PCDHGB3: variants seen among roughly 807,000 people sequenced by gnomAD.
PCDHGB3 encodes the protein protocadherin gamma subfamily B, 3, also known as protocadherin gamma-B3.
In PCDHGB3, 40 loss-of-function variants were observed where a neutral mutation model predicts 59.2. That is an observed-to-expected ratio of 0.68 (90% confidence interval 0.52 to 0.88). The LOEUF is 0.88. PCDHGB3 is among the 40% of genes least tolerant of loss of function. The pLI is 0.00. For synonymous variants in PCDHGB3, 581 were observed against 503.6 expected, an observed-to-expected ratio of 1.15 and a Z score of -2.06; for missense variants, 1,309 against 1,187.9, an observed-to-expected ratio of 1.10 and a Z score of -1.50.
At chr5:141,413,306 A>G in intron 1 of PCDHGB3, 1 of 1,613,958 alleles carries the variant, frequency 6.2e-7, no homozygotes, top group Non-Finnish European at 8.5e-7. Context: ...GAGGAATTAG[A>G]GAAAGGCTCT....
intron 1 of PCDHGB3, among the ~76,000 whole-genome samples, chr5:141,459,757 G>T (rs1360124889): frequency 6.6e-6 from 1 of 152,162 alleles, no homozygotes; most frequent in Admixed American, 6.6e-5. Flanking sequence ...ATTCTAGTGG[G>T]TGTGTGATAC....
rs190449546 is a variant in PCDHGB3, at chr5:141,371,792, G to T, written c.1398G>T (p.Pro466=). ...CCGTGCATGTAGCTGAGAACAATCC[G>T]CCTGGAGCCTCCATTGCGCATGTCA... ...SYTVHVAENN[P]PGASIAHVRA... is the part of the protein sequence containing the mutation. Residue 466 remains proline (P), a synonymous_variant, in exon 1 of 4, where the codon CCG becomes CCT. Transcript: ENST00000576222. The T allele has an allele frequency of 2.8e-4, 458 of 1,613,872 alleles. 2 individuals are homozygous for T. In the African/African-American group the frequency reaches 4.6e-3, roughly 16 times the overall value.
At chr5:141,464,976 A>G (rs2154568682) in intron 1 of PCDHGB3, among the ~76,000 whole-genome samples, 1 of 152,214 alleles carries the variant, frequency 6.6e-6, no homozygotes, top group East Asian at 1.9e-4. Flanking sequence ...TACTGGCTTC[A>G]AGTGATCCTC....
chr5:141,477,861 G>T lies in PCDHGB3; in HGVS notation c.2416-16946G>T. 6.2e-7 allele frequency: 1 copy of T among 1,612,714 alleles called. No homozygotes were observed. Among genetic ancestry groups the T allele is most frequent in the Non-Finnish European group, 8.5e-7 (1 of 1,179,590 alleles). ...GGGAGCTCGGTGGAGATGCTGCCTC[G>T]AGGTACCTCAGCTGGCCACCTAGTG... On this transcript the variant is annotated intron_variant, in intron 1 of 3. Coordinates refer to ENST00000576222, the MANE Select transcript of PCDHGB3 (RefSeq NM_018924.5). This position sits in a 1 kb window ranked among gnomAD's most constrained non-coding sequence, Gnocchi z 4.9.
intron 1 of PCDHGB3, among the ~76,000 whole-genome samples, chr5:141,465,307 T>C (rs2099100636): frequency 6.6e-6 from 1 of 152,218 alleles, no homozygotes; most frequent in Non-Finnish European, 1.5e-5. Context: ...CCTGGGAATT[T>C]AGCCATGTCA....
intron 1 of PCDHGB3, chr5:141,402,898 T>C: frequency 6.6e-7 from 1 of 1,512,304 alleles, no homozygotes; most frequent in Non-Finnish European, 8.8e-7. Context: ...AGAAAGAACC[T>C]GATGAAGCAG....
intron 1 of PCDHGB3, among the ~76,000 whole-genome samples, chr5:141,464,525 A>G (rs919668801): frequency 3.3e-5 from 5 of 152,064 alleles, no homozygotes; most frequent in Non-Finnish European, 5.9e-5. Context: ...AGGCATATGT[A>G]GTTTTGTTAA....
chr5:141,455,476 G>C (rs2098823789), intron 1 of PCDHGB3, among the ~76,000 whole-genome samples: 1 of 152,218 alleles, frequency 6.6e-6, no homozygotes. Flanking sequence ...ATATGCAGAG[G>C]CTGGTGGAGG....
In PCDHGB3 at chr5:141,370,380, G is replaced by A; in HGVS notation, c.-15G>A. The A allele has an allele frequency of 3.3e-6, 5 of 1,532,358 alleles. No homozygotes were observed. The highest frequency in any genetic ancestry group is 4.4e-6 in the Non-Finnish European group (5 of 1,142,752). 94.9% of individuals were successfully genotyped at this position (1,532,358 alleles called of 1,614,324 possible). ...CTCTCCTCGGATTTAGAAAGGCAAA[G>A]GCGCAGAGAGCGGGATGGGAAATAG... On this transcript the variant is annotated 5_prime_UTR_variant, in exon 1 of 4. Transcript: ENST00000576222.
rs1308866536 is a variant in PCDHGB3 at position 141,464,896 on chromosome 5, GT to G, written c.2416-29910del. On this transcript the variant is annotated intron_variant, in intron 1 of 3. Coordinates refer to ENST00000576222, the MANE Select transcript of PCDHGB3 (RefSeq NM_018924.5). ...TAGGACTACAGATGGATGCCACCAT[GT>G]CCAGCTAATTTTTTTATTTTTTTGT... 2.0e-5 allele frequency among the ~76,000 whole-genome samples: 3 copies of G among 151,672 alleles called. No homozygotes were observed. The East Asian group carries it at 5.8e-4, about 30-fold the overall frequency.
chr5:141,372,238 G>C lies in PCDHGB3; in HGVS notation c.1844G>C (p.Gly615Ala). The change falls in exon 1 of 4, where the codon GGG becomes GCG. Residue 615 changes from glycine to alanine, a missense_variant. By Grantham distance (60) the Gly-to-Ala change is moderately conservative (BLOSUM62 0). Transcript: ENST00000576222. ...SYHIVQASEP[G>A]LFSLGLRTGE... ...CACATTGTGCAGGCCAGCGAGCCCGGGCTGTTCAGCCTGGGCCTGCGCACG... is the reference window on the plus strand; with the variant it reads ...CACATTGTGCAGGCCAGCGAGCCCGCGCTGTTCAGCCTGGGCCTGCGCACG... The C allele has an allele frequency of 2.5e-6, 4 of 1,613,300 alleles. No homozygotes were observed. Among genetic ancestry groups the C allele is most frequent in the Non-Finnish European group, 3.4e-6 (4 of 1,179,822 alleles).
chr5:141,426,806 T>C (rs1390972821), intron 1 of PCDHGB3: 1 of 456,600 alleles, frequency 2.2e-6, no homozygotes, highest in Non-Finnish European at 4.4e-6. Context: ...TCAGTTCTAA[T>C]GAACATTTCT....
intron 1 of PCDHGB3, chr5:141,415,362 G>A (rs769596449): frequency 4.3e-6 from 7 of 1,614,126 alleles, no homozygotes; most frequent in African/African-American, 1.3e-5. Context: ...CACGCCTGCT[G>A]CAGGCTTCAG....
In PCDHGB3 at chr5:141,371,111, C is replaced by T. The variant is rs748436182; in HGVS notation, c.717C>T (p.Pro239=). 1 of 1,613,898 alleles carries T rather than the reference C, an allele frequency of 6.2e-7. No homozygotes were observed. Among genetic ancestry groups the T allele is most frequent in the African/African-American group, 1.3e-5 (1 of 75,048 alleles). ...RVIVADANDN[P]PVFTQDMYRV... ...TTGTCGCAGATGCAAATGATAACCC[C>T]CCAGTATTTACTCAGGACATGTACA... The change falls in exon 1 of 4, where the codon CCC becomes CCT. Residue 239 remains proline (P), a synonymous_variant. Coordinates refer to ENST00000576222, the MANE Select transcript of PCDHGB3 (RefSeq NM_018924.5).
chr5:141,392,810 A>C (rs772526220), intron 1 of PCDHGB3: 1 of 1,580,390 alleles, frequency 6.3e-7, no homozygotes, highest in South Asian at 1.2e-5. Flanking sequence ...GCAGCAAAAC[A>C]ACAATGGCCG....
chr5:141,474,967 T>G (rs745581213), intron 1 of PCDHGB3, among the ~76,000 whole-genome samples: 6 of 152,252 alleles, frequency 3.9e-5, no homozygotes, highest in Non-Finnish European at 7.3e-5. Context: ...TCCTAATCAT[T>G]ATAATTTTGT....
chr5:141,404,103 G>C lies in PCDHGB3; in HGVS notation c.2415+31294G>C, dbSNP rs773489391. 14 of 1,613,372 alleles carry C rather than the reference G, an allele frequency of 8.7e-6. No homozygotes were observed. In the East Asian group the frequency reaches 2.9e-4, roughly 33 times the overall value. On this transcript the variant is annotated intron_variant, in intron 1 of 3. Transcript: ENST00000576222. ...TCCGGGAAGAATGGTCAAGTTGTCT[G>C]TTCTATCCAGGAGAATCTATCTTTT...
chr5:141,421,945 AT>A (rs1473318347), intron 1 of PCDHGB3: 1 of 1,613,342 alleles, frequency 6.2e-7, no homozygotes, highest in Non-Finnish European at 8.5e-7. Flanking sequence ...AAATGATCAC[AT>A]CCCAATGTTT....
chr5:141,390,522 G>A, intron 1 of PCDHGB3: 1 of 557,096 alleles, frequency 1.8e-6, no homozygotes, highest in Non-Finnish European at 3.1e-6. Flanking sequence ...AAGCAATGAG[G>A]GTGTGGTTTT....
Sources: gnomAD v4.1 joint callset for allele counts (sites outside exome capture counted in the v4.1 genomes callset) on GRCh38, gnomAD v4.1.1 for gene constraint, Gnocchi (gnomAD v3.1) non-coding constraint, MANE v1.5 for transcripts, NCBI Gene and HGNC (gene_info 2026-07-23, HGNC 2026-07-21) for gene names.